The following SLC12A7 variants were observed in gnomAD, a reference collection of about 807,000 sequenced individuals.
SLC12A7 encodes solute carrier family 12 member 7.
A neutral mutation model predicts 120.6 loss-of-function variants in SLC12A7; 100 were observed. The ratio of observed to expected loss-of-function variants is 0.83; its 90% CI spans 0.71 to 0.98. The LOEUF (loss-of-function observed/expected upper bound fraction) is 0.98. Among genes scored for constraint, SLC12A7 ranks in the 50% least tolerant of loss-of-function variants. SLC12A7 has a pLI of 0.00. For missense variants in SLC12A7, 1,373 were observed against 1,548.1 expected (o/e 0.89, Z 1.90); for synonymous variants, 760 against 678.0 (o/e 1.12, Z -1.88).
intron 17 of SLC12A7, among the ~76,000 whole-genome samples, chr5:1,066,595 CT>C (rs1329003963): frequency 6.6e-6 from 1 of 152,184 alleles, no homozygotes; most frequent in African/African-American, 2.4e-5. Flanking sequence ...TTTGGAAAAC[CT>C]GTCTTTATGG....
At chr5:1,139,417 C>A in the SLC12A7 span, among the ~76,000 whole-genome samples, 1 of 152,400 alleles carries the variant, frequency 6.6e-6, no homozygotes, top group East Asian at 1.9e-4. Flanking sequence ...GGCCCCAAAC[C>A]AAGAGGCGGC....
the SLC12A7 span, among the ~76,000 whole-genome samples, chr5:1,144,862 G>C: frequency 0.32 from 48,169 of 152,190 alleles, 8,408 homozygotes; most frequent in East Asian, 0.6. Flanking sequence ...GCCTCCGAGC[G>C]GCAGAAAGCA....
At position 1,050,918 on chromosome 5, in the gene SLC12A7, A is replaced by T; in HGVS notation, c.*1442T>A. 1 of 398,640 alleles carries T rather than the reference A, an allele frequency of 2.5e-6. No homozygotes were observed. Among genetic ancestry groups the T allele is most frequent in the East Asian group, 3.6e-5 (1 of 28,084 alleles). 24.7% of individuals were successfully genotyped at this position (398,640 alleles called of 1,614,324 possible). A position where few individuals can be genotyped will look rare whatever the true frequency, so the allele number is the denominator to read the frequency against. On this transcript the variant is annotated 3_prime_UTR_variant, in exon 24 of 24. Transcript: ENST00000264930. Reference sequence around the variant, plus strand: ...CTCTGCCCCGATTTGAACTTTGTTGATGGGGCTGATTCCCTTGGGAGACCA... The same window carrying T: ...CTCTGCCCCGATTTGAACTTTGTTGTTGGGGCTGATTCCCTTGGGAGACCA...
chr5:1,133,595 T>C, the SLC12A7 span, among the ~76,000 whole-genome samples: 3 of 152,226 alleles, frequency 2.0e-5, no homozygotes, highest in Admixed American at 6.5e-5. Context: ...GGTAGGCCGC[T>C]GTGGCTGCTG....
At chr5:1,076,358 GTC>G (rs1490374263) in intron 13 of SLC12A7, 122 bp from the exon 14 acceptor site, 1 of 545,266 alleles carries the variant, frequency 1.8e-6, no homozygotes, top group Non-Finnish European at 2.8e-6. Flanking sequence ...CCCCATGTCT[GTC>G]TCTGCACGTG....
At position 1,112,023 on chromosome 5, in the gene SLC12A7, C is replaced by A. The variant is rs376095927; in HGVS notation, c.-32G>T. ...CTGCAGCCGACAGTCCCCGTCCCGG[C>A]CCGGCCCGCGCTGCGCCGCTCCCGC... On this transcript the variant is annotated 5_prime_UTR_variant, in exon 1 of 24. Coordinates refer to ENST00000264930, the MANE Select transcript of SLC12A7 (RefSeq NM_006598.3). The A allele has an allele frequency of 3.0e-4, 372 of 1,244,868 alleles. 1 individual carries two copies. Among genetic ancestry groups the A allele is most frequent in the Non-Finnish European group, 3.5e-4 (352 of 993,246 alleles). 77.1% of individuals were successfully genotyped at this position (1,244,868 alleles called of 1,614,324 possible). A position where few individuals can be genotyped will look rare whatever the true frequency, so the allele number is the denominator to read the frequency against.
chr5:1,050,802 T>G lies in SLC12A7; in HGVS notation c.*1558A>C. The G allele has an allele frequency of 2.5e-6, 1 of 398,576 alleles. No homozygotes were observed. The highest frequency in any genetic ancestry group is 4.4e-6 in the Non-Finnish European group (1 of 226,020). 24.7% of individuals were successfully genotyped at this position (398,576 alleles called of 1,614,324 possible). On this transcript the variant is annotated 3_prime_UTR_variant, in exon 24 of 24. Coordinates refer to ENST00000264930, the MANE Select transcript of SLC12A7 (RefSeq NM_006598.3). The stretch of plus-strand genomic sequence containing the variant: ...GGAACTGCTGAGCCCCGCTGTGATG[T>G]CTGGGACACGCTCTGGGCAGCAGCC...
the SLC12A7 span, among the ~76,000 whole-genome samples, chr5:1,147,799 G>A: frequency 1.3e-5 from 2 of 151,446 alleles, no homozygotes; most frequent in Non-Finnish European, 2.9e-5. Context: ...GCTGAGAGTA[G>A]TATCTCAATC....
chr5:1,093,013 C>T (rs1373528253), intron 3 of SLC12A7, among the ~76,000 whole-genome samples: 1 of 152,148 alleles, frequency 6.6e-6, no homozygotes, highest in African/African-American at 2.4e-5. Flanking sequence ...AGAAACCACT[C>T]AAGGGAAACC....
intron 22 of SLC12A7, among the ~76,000 whole-genome samples, chr5:1,055,843 G>A (rs1221000244): frequency 5.3e-5 from 8 of 152,206 alleles, no homozygotes; most frequent in South Asian, 2.1e-4. Flanking sequence ...TTCCCTGCAC[G>A]CCTCGCACAT....
At chr5:1,074,813 A>G (rs1234353552) in intron 15 of SLC12A7, 142 bp from the exon 16 acceptor site, 8 of 726,522 alleles carry the variant, frequency 1.1e-5, no homozygotes, top group Non-Finnish European at 1.6e-5. Context: ...GGAGGCCTCC[A>G]TGCCCACCCT....
the SLC12A7 span, among the ~76,000 whole-genome samples, chr5:1,133,899 G>A: frequency 1.5e-3 from 227 of 152,232 alleles, no homozygotes; most frequent in African/African-American, 5.2e-3. Flanking sequence ...GCAGCTGGAG[G>A]TGGGGGTGGG....
At chr5:1,059,456 T>A (rs1735956852) in intron 21 of SLC12A7, among the ~76,000 whole-genome samples, 1 of 152,134 alleles carries the variant, frequency 6.6e-6, no homozygotes, top group African/African-American at 2.4e-5. Flanking sequence ...AACCAACACC[T>A]GCACCTGGTC....
At chr5:1,078,884 C>A in intron 10 of SLC12A7, 126 bp from the exon 11 acceptor site, 1 of 733,490 alleles carries the variant, frequency 1.4e-6, no homozygotes, top group South Asian at 1.7e-5. Flanking sequence ...TCCAGGTGGG[C>A]GGGGACCGTT....
chr5:1,063,199 A>G (rs1736497998), intron 20 of SLC12A7, among the ~76,000 whole-genome samples: 1 of 152,182 alleles, frequency 6.6e-6, no homozygotes, highest in African/African-American at 2.4e-5. Context: ...CCCTGCCTAT[A>G]GCTGACCGAG....
chr5:1,120,453 G>A, the SLC12A7 span, among the ~76,000 whole-genome samples: 2 of 152,228 alleles, frequency 1.3e-5, no homozygotes, highest in African/African-American at 2.4e-5. Context: ...GCGCGCCGTC[G>A]GCAGTGTGCC....
At chr5:1,120,444 C>A in the SLC12A7 span, among the ~76,000 whole-genome samples, 4 of 152,354 alleles carry the variant, frequency 2.6e-5, no homozygotes, top group African/African-American at 9.6e-5. Flanking sequence ...CCGGGGGACG[C>A]GCGCCGTCGG....
chr5:1,068,269 T>C (rs1737268415), intron 17 of SLC12A7, among the ~76,000 whole-genome samples: 1 of 152,100 alleles, frequency 6.6e-6, no homozygotes, highest in South Asian at 2.1e-4. Flanking sequence ...ACCCCGTCTC[T>C]ACTAAAAATA....
chr5:1,086,351 C>T (rs935896725), intron 6 of SLC12A7, among the ~76,000 whole-genome samples: 11 of 152,160 alleles, frequency 7.2e-5, no homozygotes, highest in South Asian at 2.1e-4. Context: ...GGACAGCACC[C>T]GTCGGCCAGA....
Sources: gnomAD v4.1 joint callset for allele counts (sites outside exome capture counted in the v4.1 genomes callset) on GRCh38, gnomAD v4.1.1 for gene constraint, MANE v1.5 for transcripts, NCBI Gene and HGNC (gene_info 2026-07-23, HGNC 2026-07-21) for gene names.